Variants in SMYD3 observed in about 807,000 individuals in gnomAD.
SMYD3 encodes SET and MYND domain containing 3.
Under a neutral mutation model 57.7 loss-of-function variants are expected in SMYD3, and 36 were observed. The ratio of observed to expected loss-of-function variants is 0.62; its 90% CI spans 0.48 to 0.82. SMYD3 has a LOEUF of 0.82. Ranked by LOEUF, SMYD3 falls within the 40% of genes least tolerant of loss-of-function variation. The probability of loss-of-function intolerance (pLI) is 0.00; values close to 1 mark genes in which losing one functional copy is unlikely to be tolerated. For synonymous variants in SMYD3, 211 were observed against 195.0 expected (o/e 1.08, Z -0.68); for missense variants, 515 against 538.8 (o/e 0.96, Z 0.44).
At chr1:246,005,845 A>G (rs1324393973) in intron 5 of SMYD3, among the ~76,000 whole-genome samples, 2 of 152,188 alleles carry the variant, frequency 1.3e-5, no homozygotes, top group African/African-American at 4.8e-5. Flanking sequence ...CACTGAATTT[A>G]GGGCCCCTGT....
At chr1:245,899,699 G>C (rs1201974716) in intron 8 of SMYD3, among the ~76,000 whole-genome samples, 1 of 152,204 alleles carries the variant, frequency 6.6e-6, no homozygotes, top group African/African-American at 2.4e-5. Flanking sequence ...TATTCATAGA[G>C]TGTCTGTGAG....
chr1:245,859,936 T>C (rs781517313), intron 9 of SMYD3, among the ~76,000 whole-genome samples: 1 of 152,188 alleles, frequency 6.6e-6, no homozygotes, highest in Non-Finnish European at 1.5e-5. Flanking sequence ...ATGAGTAATA[T>C]ATTGTATGTA....
At chr1:245,860,254 A>G (rs780425147) in intron 9 of SMYD3, among the ~76,000 whole-genome samples, 1 of 151,634 alleles carries the variant, frequency 6.6e-6, no homozygotes, top group South Asian at 2.1e-4. Context: ...AACCCTCTTC[A>G]CTGAGGTCCT....
At chr1:245,811,613 T>C (rs1370258729) in intron 10 of SMYD3, among the ~76,000 whole-genome samples, 2 of 152,182 alleles carry the variant, frequency 1.3e-5, no homozygotes, top group Non-Finnish European at 2.9e-5. Context: ...ACAACCACAG[T>C]TCCATTTCCA....
At chr1:246,185,604 G>A (rs2062625662) in intron 5 of SMYD3, among the ~76,000 whole-genome samples, 1 of 151,962 alleles carries the variant, frequency 6.6e-6, no homozygotes, top group Non-Finnish European at 1.5e-5. Flanking sequence ...TGAAACTACA[G>A]GCGCCCGCCA....
intron 10 of SMYD3, among the ~76,000 whole-genome samples, chr1:245,820,330 T>G (rs1305998613): frequency 2.0e-5 from 3 of 150,876 alleles, no homozygotes; most frequent in Non-Finnish European, 4.4e-5. Context: ...AAAAGGCCTT[T>G]GACAAAATTC....
intron 5 of SMYD3, among the ~76,000 whole-genome samples, chr1:246,055,196 AC>A (rs1558187185): frequency 1.3e-5 from 2 of 149,970 alleles, no homozygotes; most frequent in African/African-American, 5.0e-5. Context: ...AAAAAAAAAA[AC>A]AAATGTTGGC....
At chr1:246,219,714 G>C (rs905798466) in intron 5 of SMYD3, among the ~76,000 whole-genome samples, 5 of 152,176 alleles carry the variant, frequency 3.3e-5, no homozygotes, top group Admixed American at 2.0e-4. Flanking sequence ...TCCCTCTGGG[G>C]CTTTCGTGGT....
At chr1:246,246,124 TC>T (rs2148487478) in intron 5 of SMYD3, among the ~76,000 whole-genome samples, 1 of 152,326 alleles carries the variant, frequency 6.6e-6, no homozygotes, top group South Asian at 2.1e-4. Flanking sequence ...TTCAGTTCTA[TC>T]AGACAACGAT....
chr1:246,369,048 C>T (rs1294371208), intron 1 of SMYD3, among the ~76,000 whole-genome samples: 1 of 152,152 alleles, frequency 6.6e-6, no homozygotes, highest in Non-Finnish European at 1.5e-5. Flanking sequence ...TAATACTAAG[C>T]AGTTTAACCT....
intron 5 of SMYD3, among the ~76,000 whole-genome samples, chr1:245,965,608 T>C (rs1008524714): frequency 2.6e-5 from 4 of 152,162 alleles, no homozygotes; most frequent in African/African-American, 9.7e-5. Flanking sequence ...TAAATGCATA[T>C]TACTAAGTGT....
Position 246,236,292 on chromosome 1 carries a change from G to A in SMYD3, c.531+90909C>T, listed in dbSNP as rs1031104204. On this transcript the variant is annotated intron_variant, in intron 5 of 11. Coordinates refer to ENST00000490107, the MANE Select transcript of SMYD3 (RefSeq NM_001167740.2). The stretch of plus-strand genomic sequence containing the variant: ...GTTGCCGAGGCTGGCATGCCGTGGC[G>A]CAATAATAGCTCACTGCAGCCTCAA... Among the ~76,000 whole-genome samples, 30 of 152,114 alleles carry A rather than the reference G, an allele frequency of 2.0e-4. 1 individual carries two copies. Among genetic ancestry groups the A allele is most frequent in the Middle Eastern group, 3.2e-3 (1 of 316 alleles).
At chr1:245,871,936 C>T (rs2052217019) in intron 8 of SMYD3, among the ~76,000 whole-genome samples, 1 of 152,176 alleles carries the variant, frequency 6.6e-6, no homozygotes. Context: ...TAATCAACAA[C>T]CAACTATGCT....
chr1:246,008,138 C>T (rs2059208972), intron 5 of SMYD3, among the ~76,000 whole-genome samples: 1 of 152,202 alleles, frequency 6.6e-6, no homozygotes, highest in African/African-American at 2.4e-5. Context: ...CCCTTCATTT[C>T]TCTCAGCCTT....
At chr1:246,288,623 T>C (rs1460496432) in intron 5 of SMYD3, among the ~76,000 whole-genome samples, 5 of 152,034 alleles carry the variant, frequency 3.3e-5, no homozygotes, top group African/African-American at 1.2e-4. Context: ...CTTGCTCCCA[T>C]TGCCATGGAA....
At position 246,127,456 on chromosome 1, in the gene SMYD3, G is replaced by A. The variant is rs114634706; in HGVS notation, c.532-197519C>T. Among the ~76,000 whole-genome samples the A allele has an allele frequency of 1.9e-3, 284 of 152,280 alleles. 2 individuals are homozygous for A. Among genetic ancestry groups the A allele is most frequent in the African/African-American group, 6.5e-3 (271 of 41,556 alleles). ...CAAAAGATAGTTGAGAAATCCTGTA[G>A]AAGAATTCTGTATTTTGTTTTAGTA... On this transcript the variant is annotated intron_variant, in intron 5 of 11. Coordinates refer to ENST00000490107, the MANE Select transcript of SMYD3 (RefSeq NM_001167740.2).
In SMYD3 at chr1:246,273,219, G is replaced by A. The variant is rs961188109; in HGVS notation, c.531+53982C>T. 5.0e-5 allele frequency among the ~76,000 whole-genome samples: 7 copies of A among 140,460 alleles called. No individual in the cohort carries two copies. The East Asian group carries it at 7.2e-4, about 14-fold the overall frequency. The allele number at this position is 140,460 out of a possible 152,430, so 92.1% of individuals were successfully genotyped here. The stretch of plus-strand genomic sequence containing the variant: ...GGCTGGAGTGCAGAGGCACAACCTC[G>A]GCTCACTACAGCCTCCGCCTCCCGG... On this transcript the variant is annotated intron_variant, in intron 5 of 11. Transcript: ENST00000490107.
At chr1:246,075,315 C>T (rs533197395) in intron 5 of SMYD3, among the ~76,000 whole-genome samples, 71 of 152,224 alleles carry the variant, frequency 4.7e-4, no homozygotes, top group Middle Eastern at 6.8e-3. Context: ...ACCAGAGAGA[C>T]GGCAGTGATA....
intron 1 of SMYD3, among the ~76,000 whole-genome samples, chr1:246,360,130 T>C (rs923914587): frequency 2.6e-5 from 4 of 152,038 alleles, no homozygotes; most frequent in Non-Finnish European, 5.9e-5. Flanking sequence ...GATACAAAAT[T>C]GATGTACACA....
Sources: gnomAD v4.1 joint callset for allele counts (sites outside exome capture counted in the v4.1 genomes callset) on GRCh38, gnomAD v4.1.1 for gene constraint, MANE v1.5 for transcripts, NCBI Gene and HGNC (gene_info 2026-07-23, HGNC 2026-07-21) for gene names.